Variants in GPC3 observed in about 807,000 individuals in gnomAD.
GPC3 encodes the protein glypican-3.
Under a neutral mutation model 34.4 loss-of-function variants are expected in GPC3, and 3 were observed. That is an observed-to-expected ratio of 0.09 (90% CI 0.04 to 0.23). The LOEUF (loss-of-function observed/expected upper bound fraction) is 0.23. GPC3 is among the 10% of genes least tolerant of loss of function. GPC3 has a pLI of 1.00. For missense variants in GPC3, 351 were observed against 445.6 expected, an observed-to-expected ratio of 0.79 and a Z score of 1.91; for synonymous variants, 177 against 174.0, an observed-to-expected ratio of 1.02 and a Z score of -0.13.
chrX:133,621,923 C>T (rs976367487), intron 6 of GPC3, among the ~76,000 whole-genome samples: 11 of 112,161 alleles, frequency 9.8e-5, no homozygotes, highest in African/African-American at 1.9e-4. Flanking sequence ...ACTGACACCA[C>T]GTACGGCCAG....
At chrX:133,917,577 A>G (rs1213075821) in intron 2 of GPC3, among the ~76,000 whole-genome samples, 2 of 112,157 alleles carry the variant, frequency 1.8e-5, no homozygotes, top group African/African-American at 6.5e-5. Flanking sequence ...ATATGAGAGT[A>G]TAAGAACAGA....
intron 3 of GPC3, among the ~76,000 whole-genome samples, chrX:133,752,633 C>T (rs1328753708): frequency 1.8e-5 from 2 of 111,598 alleles, no homozygotes; most frequent in African/African-American, 3.3e-5. Flanking sequence ...TGGTATCTCC[C>T]GAGATTCCGT....
chrX:133,946,022 T>C (rs1408480347), intron 2 of GPC3, among the ~76,000 whole-genome samples: 3 of 112,241 alleles, frequency 2.7e-5, no homozygotes, highest in Non-Finnish European at 5.6e-5. Context: ...ACCCAAGTTA[T>C]TTGTATACAA....
intron 7 of GPC3, among the ~76,000 whole-genome samples, chrX:133,542,081 G>A (rs2069346717): frequency 8.9e-6 from 1 of 112,086 alleles, no homozygotes. Context: ...GTCCCTGACA[G>A]GGCCTCCATA....
intron 5 of GPC3, among the ~76,000 whole-genome samples, chrX:133,666,091 A>G (rs1183788031): frequency 1.8e-5 from 2 of 111,914 alleles, no homozygotes; most frequent in African/African-American, 6.5e-5. Flanking sequence ...CAGCTTCCAA[A>G]ACCATTATAA....
At chrX:133,851,391 C>T (rs1468821407) in intron 2 of GPC3, among the ~76,000 whole-genome samples, 1 of 111,658 alleles carries the variant, frequency 9.0e-6, no homozygotes, top group Admixed American at 9.5e-5. Flanking sequence ...GGTACTATAC[C>T]ACCATCTTAC....
intron 2 of GPC3, among the ~76,000 whole-genome samples, chrX:133,930,638 T>C (rs1330160466): frequency 8.9e-6 from 1 of 112,531 alleles, no homozygotes; most frequent in East Asian, 2.8e-4. Flanking sequence ...AATACAATTT[T>C]ATTTTTTTTC....
At chrX:133,559,546 C>T (rs1450092320) in intron 7 of GPC3, among the ~76,000 whole-genome samples, 2 of 111,152 alleles carry the variant, frequency 1.8e-5, no homozygotes, top group Non-Finnish European at 3.8e-5. Flanking sequence ...GAGGCATGAA[C>T]AGAGTGCCAT....
chrX:133,708,099 G>A (rs2071234237), intron 3 of GPC3, among the ~76,000 whole-genome samples: 1 of 111,469 alleles, frequency 9.0e-6, no homozygotes, highest in African/African-American at 3.3e-5. Context: ...TTTCTTTGAG[G>A]AACTCTATGT....
At chrX:133,709,094 T>G (rs1027636039) in intron 3 of GPC3, among the ~76,000 whole-genome samples, 17 of 112,314 alleles carry the variant, frequency 1.5e-4, no homozygotes, top group African/African-American at 5.2e-4. Context: ...TTTAAATGTT[T>G]GTGCTTATGC....
At chrX:133,673,481 C>T (rs1175590989) in intron 5 of GPC3, among the ~76,000 whole-genome samples, 1 of 112,555 alleles carries the variant, frequency 8.9e-6, no homozygotes, top group East Asian at 2.8e-4. Flanking sequence ...ACCTCAACAA[C>T]ATGAGGGCAT....
intron 2 of GPC3, among the ~76,000 whole-genome samples, chrX:133,850,194 G>GTTTTTTTTTTTTTTTTTT (rs749809263): frequency 1.5e-5 from 1 of 68,006 alleles, no homozygotes; most frequent in African/African-American, 5.7e-5. Flanking sequence ...TTTGGGTTTT[G>GTTTTTTTTTTTTTTTTTT]TTTTTTTTTT....
chrX:133,743,184 G>A lies in GPC3; in HGVS notation c.1032+10298C>T, dbSNP rs760045802. Among the ~76,000 whole-genome samples, 12 of 113,003 alleles carry A rather than the reference G, an allele frequency of 1.1e-4. No homozygotes were observed. In the South Asian group the frequency reaches 4.0e-3, roughly 38 times the overall value. The stretch of plus-strand genomic sequence containing the variant: ...ACTCAGCACTCAGAAAATTGTGGTT[G>A]CTGGTAATGATGAAATTTGTATTTT... On this transcript the variant is annotated intron_variant, in intron 3 of 7. Coordinates refer to ENST00000370818, the MANE Select transcript of GPC3 (RefSeq NM_004484.4).
At chrX:133,814,482 A>G (rs181326032) in intron 2 of GPC3, among the ~76,000 whole-genome samples, 2 of 111,422 alleles carry the variant, frequency 1.8e-5, no homozygotes, top group East Asian at 5.6e-4. Flanking sequence ...GAGATGCTAC[A>G]TTCTGTCAAA....
chrX:133,669,741 A>T (rs899541599), intron 5 of GPC3, among the ~76,000 whole-genome samples: 1 of 112,514 alleles, frequency 8.9e-6, no homozygotes, highest in South Asian at 3.7e-4. Context: ...TAGCAAGTGG[A>T]GGAGGAAAAA....
At chrX:133,881,196 G>A (rs1260385013) in intron 2 of GPC3, among the ~76,000 whole-genome samples, 1 of 111,611 alleles carries the variant, frequency 9.0e-6, no homozygotes, top group Non-Finnish European at 1.9e-5. Flanking sequence ...CTCTCACTGC[G>A]TACCCACAAT....
chrX:133,823,128 C>CAAAAAA (rs34231185), intron 2 of GPC3, among the ~76,000 whole-genome samples: 3 of 18,869 alleles, frequency 1.6e-4, no homozygotes, highest in African/African-American at 4.3e-4. Flanking sequence ...GACTCCGTCT[C>CAAAAAA]AAAAAAAAAA....
chrX:133,932,171 C>A (rs946344892), intron 2 of GPC3, among the ~76,000 whole-genome samples: 1 of 112,393 alleles, frequency 8.9e-6, no homozygotes, highest in Non-Finnish European at 1.9e-5. Flanking sequence ...TGTATCACCT[C>A]CCAAGAGAAC....
At chrX:133,580,394 A>C (rs1017462630) in intron 7 of GPC3, among the ~76,000 whole-genome samples, 17 of 112,026 alleles carry the variant, frequency 1.5e-4, no homozygotes, top group African/African-American at 5.5e-4. Flanking sequence ...TGATTTCCTC[A>C]GATACTGCCC....
Sources: gnomAD v4.1 joint callset for allele counts (sites outside exome capture counted in the v4.1 genomes callset) on GRCh38, gnomAD v4.1.1 for gene constraint, MANE v1.5 for transcripts, NCBI Gene and HGNC (gene_info 2026-07-23, HGNC 2026-07-21) for gene names.